GCH1: variants seen among roughly 807,000 people sequenced by gnomAD.
GCH1 encodes the protein GTP cyclohydrolase 1.
In GCH1, 5 loss-of-function variants were observed where a neutral mutation model predicts 25.9. That is an observed-to-expected ratio of 0.19 (90% CI 0.10 to 0.41). The LOEUF (loss-of-function observed/expected upper bound fraction) is 0.41. Among genes scored for constraint, GCH1 ranks in the 10% least tolerant of loss-of-function variants. The pLI is 1.00. For missense variants in GCH1, 261 were observed against 336.5 expected (o/e 0.78, Z 1.75); for synonymous variants, 159 against 129.6 (o/e 1.23, Z -1.54).
intron 1 of GCH1, among the ~76,000 whole-genome samples, chr14:54,880,479 C>CACTCCATATATATATATATAT (rs1555361269): frequency 2.0e-5 from 1 of 49,448 alleles, no homozygotes; most frequent in Non-Finnish European, 3.2e-5. Flanking sequence ...TATATATATA[C>CACTCCATATATATATATATAT]ACTCCATATA....
chr14:54,881,991 C>T (rs1048406819), intron 1 of GCH1, among the ~76,000 whole-genome samples: 3 of 152,166 alleles, frequency 2.0e-5, no homozygotes, highest in Non-Finnish European at 2.9e-5. Flanking sequence ...CAAGTTTTCA[C>T]GTATAAAGTT....
At chr14:54,852,460 C>T (rs187776179) in intron 3 of GCH1, among the ~76,000 whole-genome samples, 152 of 152,326 alleles carry the variant, frequency 1.0e-3, no homozygotes, top group African/African-American at 3.5e-3. Flanking sequence ...AGGGCACACA[C>T]ATCCACCTAC....
chr14:54,880,517 CCA>C (rs1566676848), intron 1 of GCH1, among the ~76,000 whole-genome samples: 1 of 77,200 alleles, frequency 1.3e-5, no homozygotes, highest in Non-Finnish European at 2.3e-5. Flanking sequence ...TATATATACT[CCA>C]TATATATATA....
chr14:54,861,799 G>A (rs1201137105), intron 2 of GCH1, among the ~76,000 whole-genome samples: 1 of 151,868 alleles, frequency 6.6e-6, no homozygotes. Flanking sequence ...GGAAGTAATA[G>A]CAGAAAGTAA....
chr14:54,846,076 C>T (rs968908725), intron 4 of GCH1, among the ~76,000 whole-genome samples: 6 of 152,092 alleles, frequency 3.9e-5, no homozygotes, highest in Non-Finnish European at 8.8e-5. Flanking sequence ...CTCAGAACAC[C>T]CTGAAGCCCT....
At chr14:54,881,004 T>C (rs1196777799) in intron 1 of GCH1, among the ~76,000 whole-genome samples, 1 of 151,306 alleles carries the variant, frequency 6.6e-6, no homozygotes, top group Non-Finnish European at 1.5e-5. Context: ...TTTGTATTTT[T>C]AGTAGAGACA....
At chr14:54,860,730 G>T (rs1228222608) in intron 2 of GCH1, among the ~76,000 whole-genome samples, 4 of 151,934 alleles carry the variant, frequency 2.6e-5, no homozygotes, top group African/African-American at 9.7e-5. Flanking sequence ...TAGTAGAGAT[G>T]GTGTTTCACC....
rs557778839 is a variant in GCH1, at chr14:54,902,460, G to A, written c.204C>T (p.Leu68=). ...PRSEEDNELN[L]PNLAAAYSSI... is the part of the protein sequence containing the mutation. ...ACGAGTAGGCGGCTGCCAGGTTAGG[G>A]AGGTTCAGCTCGTTATCCTCCTCGC... is the stretch of plus-strand genomic sequence containing the variant. The change falls in exon 1 of 6, where the codon CTC becomes CTT. Residue 68 remains leucine (L), a synonymous_variant. Transcript: ENST00000491895. 20 of 1,612,692 alleles carry A rather than the reference G, an allele frequency of 1.2e-5. No individual in the cohort carries two copies. The highest frequency in any genetic ancestry group is 1.7e-5 in the Admixed American group (1 of 59,988).
intron 1 of GCH1, among the ~76,000 whole-genome samples, chr14:54,872,911 T>C (rs955334034): frequency 6.6e-6 from 1 of 151,496 alleles, no homozygotes; most frequent in Non-Finnish European, 1.5e-5. Flanking sequence ...ATGGGAGACT[T>C]TAACACCCCA....
chr14:54,890,798 A>C (rs1426608604), intron 1 of GCH1, among the ~76,000 whole-genome samples: 1 of 152,232 alleles, frequency 6.6e-6, no homozygotes, highest in African/African-American at 2.4e-5. Context: ...TGCAAAAAAC[A>C]AACAACCCAA....
chr14:54,865,644 C>T (rs2039979892), intron 1 of GCH1, among the ~76,000 whole-genome samples: 1 of 152,022 alleles, frequency 6.6e-6, no homozygotes. Flanking sequence ...TACAGTGTTA[C>T]ATGAAAAATG....
intron 1 of GCH1, among the ~76,000 whole-genome samples, chr14:54,888,179 C>A (rs1205540224): frequency 2.0e-5 from 3 of 152,154 alleles, no homozygotes; most frequent in Non-Finnish European, 4.4e-5. Flanking sequence ...AGAAAAAAGA[C>A]AGAGACCTGT....
chr14:54,856,027 G>GA (rs11439363), intron 3 of GCH1, among the ~76,000 whole-genome samples: 63,278 of 150,764 alleles, frequency 0.42, 15,157 homozygotes, highest in African/African-American at 0.66. Context: ...AGTCAAAAAA[G>GA]AAAAAAAAAT....
chr14:54,890,340 A>G (rs1284055134), intron 1 of GCH1, among the ~76,000 whole-genome samples: 1 of 152,170 alleles, frequency 6.6e-6, no homozygotes, highest in African/African-American at 2.4e-5. Context: ...TCTATTAAAA[A>G]CACAAAATTA....
In GCH1 at chr14:54,880,484, C is replaced by CAT. The variant is rs1225756882; in HGVS notation, c.344-15050_344-15049dup. 4.6e-4 allele frequency among the ~76,000 whole-genome samples: 27 copies of CAT among 59,286 alleles called. 3 individuals are homozygous for CAT. The highest frequency in any genetic ancestry group is 6.9e-4 in the African/African-American group (7 of 10,076). The allele number at this position is 59,286 out of a possible 152,430, so 38.9% of individuals were successfully genotyped here. On this transcript the variant is annotated intron_variant, in intron 1 of 5. Coordinates refer to ENST00000491895, the MANE Select transcript of GCH1 (RefSeq NM_000161.3). ...ATACTCCATATATATATATACACTC[C>CAT]ATATATATATATACTCCATATATAT...
chr14:54,901,953 G>A (rs748340603), intron 1 of GCH1, among the ~76,000 whole-genome samples: 8 of 152,200 alleles, frequency 5.3e-5, no homozygotes, highest in African/African-American at 1.9e-4. Flanking sequence ...TCCTTATCGT[G>A]GGCAAGTTTG....
At chr14:54,854,496 A>G (rs539156444) in intron 3 of GCH1, among the ~76,000 whole-genome samples, 61 of 152,306 alleles carry the variant, frequency 4.0e-4, no homozygotes, top group Admixed American at 6.5e-4. Context: ...AGATTTAAAT[A>G]TAATAATGTG....
Position 54,843,235 on chromosome 14 carries a change from C to G in GCH1, c.*782G>C, listed in dbSNP as rs1403852527. Reference sequence around the variant, plus strand: ...GTTATTTGCAGTGTGAGTACTAAGTCTCATAAAATAATGGCTTTTTTAAAA... The same window carrying G: ...GTTATTTGCAGTGTGAGTACTAAGTGTCATAAAATAATGGCTTTTTTAAAA... On this transcript the variant is annotated 3_prime_UTR_variant, in exon 6 of 6. Transcript: ENST00000491895. The G allele has an allele frequency of 2.1e-6, 3 of 1,402,186 alleles. No individual in the cohort carries two copies. The highest frequency in any genetic ancestry group is 2.8e-6 in the Non-Finnish European group (3 of 1,084,312). 86.9% of individuals were successfully genotyped at this position (1,402,186 alleles called of 1,614,324 possible). A position where few individuals can be genotyped will look rare whatever the true frequency, so the allele number is the denominator to read the frequency against.
At chr14:54,868,349 C>T (rs1465942569) in intron 1 of GCH1, among the ~76,000 whole-genome samples, 2 of 151,806 alleles carry the variant, frequency 1.3e-5, no homozygotes, top group Admixed American at 6.6e-5. Flanking sequence ...CCCAGCAGTT[C>T]AATGCTACAA....
Sources: allele counts gnomAD v4.1 joint callset (sites outside exome capture counted in the v4.1 genomes callset), GRCh38; gene constraint gnomAD v4.1.1; transcripts MANE v1.5; gene names NCBI Gene and HGNC (gene_info 2026-07-23, HGNC 2026-07-21).